The following ALG12 variants were observed in gnomAD, a reference collection of about 807,000 sequenced individuals.
ALG12 encodes the protein dol-P-Man:Man(7)GlcNAc(2)-PP-Dol alpha-1,6-mannosyltransferase.
ALG12 carries 36 observed loss-of-function variants against 46.0 expected under a neutral mutation model. That is an observed-to-expected ratio of 0.78 (90% CI 0.60 to 1.03). The LOEUF is 1.03. ALG12 is among the 50% of genes least tolerant of loss of function. The probability of loss-of-function intolerance (pLI) is 0.00; values close to 1 mark genes in which losing one functional copy is unlikely to be tolerated. For missense variants in ALG12, 599 were observed against 633.5 expected, an observed-to-expected ratio of 0.95 and a Z score of 0.58; for synonymous variants, 326 against 291.6, an observed-to-expected ratio of 1.12 and a Z score of -1.20.
At chr22:49,888,198 G>A in the ALG12 span, 1 of 167,172 alleles carries the variant, frequency 6.0e-6, no homozygotes, top group Non-Finnish European at 1.5e-5. Context: ...ACATCAGAGT[G>A]AAGTGTCAGT....
intron 2 of ALG12, 28 bp from the exon 3 acceptor site, chr22:49,913,545 C>G: frequency 6.2e-7 from 1 of 1,613,960 alleles, no homozygotes. Context: ...GGTCAGTGCA[C>G]CGGGGCCCTG....
intron 5 of ALG12, among the ~76,000 whole-genome samples, 195 bp downstream of exon 5, chr22:49,909,698 CA>C (rs1447812343): frequency 1.3e-5 from 2 of 152,252 alleles, no homozygotes; most frequent in Non-Finnish European, 2.9e-5. Context: ...GACCAGTGAA[CA>C]GGGGCTCCTA....
At chr22:49,877,674 A>G in the ALG12 span, among the ~76,000 whole-genome samples, 1 of 152,182 alleles carries the variant, frequency 6.6e-6, no homozygotes, top group African/African-American at 2.4e-5. Context: ...ATATATCCAT[A>G]TCCATATAGT....
At chr22:49,873,005 A>G in the ALG12 span, among the ~76,000 whole-genome samples, 1 of 151,908 alleles carries the variant, frequency 6.6e-6, no homozygotes, top group Non-Finnish European at 1.5e-5. Context: ...CAATGTTTTA[A>G]TTTTTTGTAG....
chr22:49,894,942 A>G, the ALG12 span, among the ~76,000 whole-genome samples: 8,696 of 152,220 alleles, frequency 0.057, 302 homozygotes, highest in South Asian at 0.093. Context: ...AGAGGGAGAC[A>G]CCCTTGAAGC....
In ALG12 at chr22:49,904,488, CTT is replaced by C; in HGVS notation, c.1009_1010del (p.Lys337ValfsTer57). ...GCSYLLNNYK[K>X]SWLYKAGSLL... ...GAGACCCCGCTTTGTACAGCCAAGA[CTT>C]TTTATAGTTATTCAGCCTGAAAAAA... On this transcript the variant is annotated frameshift_variant, in exon 8 of 10. Transcript: ENST00000330817. LOFTEE classifies it high-confidence loss of function. The C allele has an allele frequency of 6.2e-7, 1 of 1,614,178 alleles. No individual in the cohort carries two copies. The highest frequency in any genetic ancestry group is 8.5e-7 in the Non-Finnish European group (1 of 1,180,020).
the ALG12 span, among the ~76,000 whole-genome samples, chr22:49,869,948 G>A: frequency 6.2e-4 from 95 of 152,254 alleles, 1 homozygote; most frequent in East Asian, 0.017. Flanking sequence ...TTGTTTTTCA[G>A]TCTTGTCCCC....
At chr22:49,908,138 G>A (rs1475866674) in intron 6 of ALG12, among the ~76,000 whole-genome samples, 194 bp from the exon 7 acceptor site, 1 of 152,208 alleles carries the variant, frequency 6.6e-6, no homozygotes, top group Non-Finnish European at 1.5e-5. Flanking sequence ...CAGCTCGGGT[G>A]CACACATACC....
the ALG12 span, among the ~76,000 whole-genome samples, chr22:49,891,536 A>G: frequency 6.6e-6 from 1 of 152,174 alleles, no homozygotes; most frequent in Non-Finnish European, 1.5e-5. Flanking sequence ...AAAACGAGGT[A>G]TCTATGTGTA....
chr22:49,897,918 C>T (rs1434537035), downstream of ALG12, among the ~76,000 whole-genome samples: 13 of 152,092 alleles, frequency 8.5e-5, no homozygotes, highest in African/African-American at 1.4e-4. Flanking sequence ...CTTGGCCTCC[C>T]ATAGTGCTAG....
chr22:49,880,452 G>C, the ALG12 span, among the ~76,000 whole-genome samples: 2 of 152,180 alleles, frequency 1.3e-5, no homozygotes, highest in Admixed American at 6.5e-5. Flanking sequence ...CCGACTCCCC[G>C]CCCCGCAGCC....
Position 49,901,743 on chromosome 22 carries a change from T to A in ALG12, c.*2095A>T, listed in dbSNP as rs1477741485. On this transcript the variant is annotated 3_prime_UTR_variant, in exon 10 of 10. Coordinates refer to ENST00000330817, the MANE Select transcript of ALG12 (RefSeq NM_024105.4). ...GTGTATGCATGGTGTGCACGTGCAT[T>A]GTGCATGCGTGGTGTATGCATGGTA... 8.2e-6 allele frequency: 1 copy of A among 122,400 alleles called. No homozygotes were observed. Among genetic ancestry groups the A allele is most frequent in the Admixed American group, 7.7e-5 (1 of 12,972 alleles). The allele number at this position is 122,400 out of a possible 1,614,324, so 7.6% of individuals were successfully genotyped here. A position where few individuals can be genotyped will look rare whatever the true frequency, so the allele number is the denominator to read the frequency against.
the ALG12 span, among the ~76,000 whole-genome samples, chr22:49,860,360 C>T: frequency 6.6e-6 from 1 of 152,122 alleles, no homozygotes; most frequent in Non-Finnish European, 1.5e-5. Flanking sequence ...TTCTTTGATT[C>T]TTAAATTATA....
At chr22:49,860,598 T>C in the ALG12 span, among the ~76,000 whole-genome samples, 1 of 152,018 alleles carries the variant, frequency 6.6e-6, no homozygotes, top group African/African-American at 2.4e-5. Context: ...TTATTTTATT[T>C]ATTTTTCCCA....
At chr22:49,871,433 C>T in the ALG12 span, among the ~76,000 whole-genome samples, 1 of 151,740 alleles carries the variant, frequency 6.6e-6, no homozygotes, top group Non-Finnish European at 1.5e-5. Flanking sequence ...TACAGTGAGC[C>T]GATATTGCCA....
intron 3 of ALG12, among the ~76,000 whole-genome samples, chr22:49,912,122 T>TC (rs1386414779): frequency 1.6e-5 from 2 of 126,006 alleles, no homozygotes; most frequent in African/African-American, 3.6e-5. Flanking sequence ...GGGATCAGCC[T>TC]GGCCCCAGGA....
intron 3 of ALG12, among the ~76,000 whole-genome samples, chr22:49,911,819 C>CG (rs1334052922): frequency 6.6e-6 from 1 of 152,184 alleles, no homozygotes; most frequent in Non-Finnish European, 1.5e-5. Context: ...GAATTTCCCC[C>CG]GGGCTTTTAA....
At position 49,906,044 on chromosome 22, in the gene ALG12, G is replaced by A. The variant is rs1392194660; in HGVS notation, c.993-1538C>T. 1.3e-5 allele frequency among the ~76,000 whole-genome samples: 2 copies of A among 152,172 alleles called. No homozygotes were observed. Among genetic ancestry groups the A allele is most frequent in the Non-Finnish European group, 2.9e-5 (2 of 68,024 alleles). ...CTCTTGCTCCCAGGGTGGCCGGGCT[G>A]AGGACCTGACTTCGGAGGGGGCCTT... On this transcript the variant is annotated intron_variant, in intron 7 of 9. Transcript: ENST00000330817. The surrounding 1 kb of genome is among the most constrained non-coding windows in gnomAD (Gnocchi z 4.4).
chr22:49,886,556 A>G, the ALG12 span: 1 of 1,561,266 alleles, frequency 6.4e-7, no homozygotes, highest in Non-Finnish European at 8.7e-7. This position sits in a 1 kb window ranked among gnomAD's most constrained non-coding sequence, Gnocchi z 7.7. Context: ...CACATCCTCA[A>G]CAGGAAGGTG....
Sources: gnomAD v4.1 joint callset for allele counts (sites outside exome capture counted in the v4.1 genomes callset) on GRCh38, gnomAD v4.1.1 for gene constraint, Gnocchi (gnomAD v3.1) non-coding constraint, MANE v1.5 for transcripts, NCBI Gene and HGNC (gene_info 2026-07-23, HGNC 2026-07-21) for gene names.